PFAS: variants seen among roughly 807,000 people sequenced by gnomAD.
The protein encoded by PFAS is phosphoribosylformylglycinamidine synthase, also known as FGAM synthase.
Under a neutral mutation model 140.6 loss-of-function variants are expected in PFAS, and 97 were observed. That is an observed-to-expected ratio of 0.69 (90% CI 0.59 to 0.82). The LOEUF (loss-of-function observed/expected upper bound fraction) is 0.82, where lower values mean the gene tolerates loss of function less well. PFAS is among the 40% of genes least tolerant of loss of function. The pLI is 0.00. For synonymous variants in PFAS, 679 were observed against 718.8 expected, an observed-to-expected ratio of 0.94 and a Z score of 0.88; for missense variants, 1,656 against 1,780.2, an observed-to-expected ratio of 0.93 and a Z score of 1.26.
At position 8,255,922 on chromosome 17, in the gene PFAS, T is replaced by A; in HGVS notation, c.680+12T>A. On this transcript the variant is annotated intron_variant, in intron 6 of 27. Coordinates refer to ENST00000314666, the MANE Select transcript of PFAS (RefSeq NM_012393.3). ...GCGCAGTCCAATAGGTGAGGAGAAA[T>A]GGGGTTGTTCCCATACCTGAGCCCA... is the stretch of plus-strand genomic sequence containing the variant. The A allele has an allele frequency of 6.3e-7, 1 of 1,584,048 alleles. No individual in the cohort carries two copies. Among genetic ancestry groups the A allele is most frequent in the South Asian group, 1.1e-5 (1 of 90,468 alleles).
At chr17:8,259,125 CAA>C (rs34642794) in intron 11 of PFAS, among the ~76,000 whole-genome samples, 63 of 118,624 alleles carry the variant, frequency 5.3e-4, no homozygotes, top group Admixed American at 7.9e-4. Context: ...GCACCACTGT[CAA>C]AAAAAAAAAA....
chr17:8,250,111 A>G (rs1315257691), intron 1 of PFAS, among the ~76,000 whole-genome samples: 1 of 152,230 alleles, frequency 6.6e-6, no homozygotes, highest in Non-Finnish European at 1.5e-5. Context: ...AATGCCTTCC[A>G]GGACTGAGCT....
In PFAS at chr17:8,264,506, C is replaced by T. The variant is rs1989730926; in HGVS notation, c.1954C>T (p.Pro652Ser). The T allele has an allele frequency of 3.7e-6, 6 of 1,613,766 alleles. No individual in the cohort carries two copies. Among genetic ancestry groups the T allele is most frequent in the Admixed American group, 1.7e-5 (1 of 59,982 alleles). The change falls in exon 17 of 28, where the codon CCT becomes TCT. Residue 652 changes from proline (P) to serine (S), a missense_variant. Physicochemically the swap from Pro to Ser is moderately conservative, Grantham distance 74. Coordinates refer to ENST00000314666, the MANE Select transcript of PFAS (RefSeq NM_012393.3). ...FLQRKPPMLQ[P>S]LALPPGLSVH... is the part of the protein sequence containing the mutation. The stretch of plus-strand genomic sequence containing the variant: ...GCAGAGGAAGCCCCCCATGCTGCAG[C>T]CTCTGGCCTTGCCCCCAGGGCTGAG...
chr17:8,262,250 A>G (rs1989622622), intron 11 of PFAS, among the ~76,000 whole-genome samples: 1 of 152,064 alleles, frequency 6.6e-6, no homozygotes, highest in African/African-American at 2.4e-5. Context: ...TAGACTTACC[A>G]TAGTTTACTT....
At chr17:8,255,719 G>A (rs1989335037) in intron 5 of PFAS, 28 bp downstream of exon 5, 9 of 1,604,450 alleles carry the variant, frequency 5.6e-6, no homozygotes, top group Non-Finnish European at 7.7e-6. Flanking sequence ...GAGATGTAGG[G>A]TCCAGGATAG....
Position 8,263,155 on chromosome 17 carries a change from G to C in PFAS, c.1457G>C (p.Arg486Pro). ...GACCTGGACTTTGGGGCTGTGCAGC[G>C]AGGAGACCCGGAGATGGAACAGAAG... ...TSDLDFGAVQ[R>P]GDPEMEQKMN... Residue 486 changes from arginine (R) to proline (P), a missense_variant, in exon 13 of 28, where the codon CGA becomes CCA. Arg to Pro is a moderately radical substitution (Grantham distance 103). This residue lies in a region of PFAS where 773 missense variants were observed against 757.3 expected (regional missense o/e 1.02). Transcript: ENST00000314666. 1 of 1,613,914 alleles carries C rather than the reference G, an allele frequency of 6.2e-7. No homozygotes were observed. Among genetic ancestry groups the C allele is most frequent in the Non-Finnish European group, 8.5e-7 (1 of 1,179,846 alleles).
At chr17:8,265,505 T>C in intron 19 of PFAS, 37 bp downstream of exon 19, 1 of 1,612,946 alleles carries the variant, frequency 6.2e-7, no homozygotes. Context: ...GAGGAGGAAC[T>C]ATGGAGCTGG....
Position 8,263,141 on chromosome 17 carries a change from T to TG in PFAS, c.1447dup (p.Ala483GlyfsTer34). 6.2e-7 allele frequency: 1 copy of TG among 1,614,086 alleles called. No homozygotes were observed. The highest frequency in any genetic ancestry group is 1.1e-5 in the South Asian group (1 of 91,074). On this transcript the variant is annotated frameshift_variant, in exon 13 of 28. Coordinates refer to ENST00000314666, the MANE Select transcript of PFAS (RefSeq NM_012393.3). LOFTEE classifies it high-confidence loss of function. ...GAGATAACACCAGTGACCTGGACTT[T>TG]GGGGCTGTGCAGCGAGGAGACCCGG...
rs1236127928 is a variant in PFAS, at chr17:8,267,951, T to C, written c.3382+286T>C. Among the ~76,000 whole-genome samples the C allele has an allele frequency of 7.0e-6, 1 of 143,538 alleles. No homozygotes were observed. Among genetic ancestry groups the C allele is most frequent in the Non-Finnish European group, 1.5e-5 (1 of 66,002 alleles). The allele number at this position is 143,538 out of a possible 152,430, so 94.2% of individuals were successfully genotyped here. A position where few individuals can be genotyped will look rare whatever the true frequency, so the allele number is the denominator to read the frequency against. On this transcript the variant is annotated intron_variant, in intron 26 of 27. Coordinates refer to ENST00000314666, the MANE Select transcript of PFAS (RefSeq NM_012393.3). The surrounding 1 kb of genome is among the most constrained non-coding windows in gnomAD (Gnocchi z 4.9). ...ATTAAAATGTATATTATTTATATAT[T>C]ATTAAAATATATATTATTTATATAT...
chr17:8,266,791 C>T lies in PFAS; in HGVS notation c.2860C>T (p.Leu954=), dbSNP rs1989832151. The part of the protein sequence containing the change: ...VLFAEEPGLV[L]EVQEPDLAQV... ...GTTCGCTGAGGAGCCAGGCCTCGTG[C>T]TGGAGGTGCAGGAGCCAGACCTGGC... The change falls in exon 23 of 28, where the codon CTG becomes TTG. Residue 954 remains leucine, a synonymous_variant. Transcript: ENST00000314666. This position sits in a 1 kb window ranked among gnomAD's most constrained non-coding sequence, Gnocchi z 5.0. 6.2e-7 allele frequency: 1 copy of T among 1,612,312 alleles called. No homozygotes were observed. The highest frequency in any genetic ancestry group is 8.5e-7 in the Non-Finnish European group (1 of 1,179,652).
At chr17:8,250,476 G>A (rs78784976) in intron 1 of PFAS, among the ~76,000 whole-genome samples, 2,056 of 152,286 alleles carry the variant, frequency 0.014, 19 homozygotes, top group Middle Eastern at 0.051. Flanking sequence ...GAGAGTCTGA[G>A]GGAAAGAGAA....
intron 3 of PFAS, 115 bp downstream of exon 3, chr17:8,254,416 CAT>C: frequency 6.7e-6 from 8 of 1,197,762 alleles, no homozygotes; most frequent in Non-Finnish European, 9.6e-6. Context: ...GGAAACCACA[CAT>C]GTGCTTTCCC....
At chr17:8,265,775 C>T in intron 20 of PFAS, 87 bp from the exon 21 acceptor site, 2 of 1,368,266 alleles carry the variant, frequency 1.5e-6, no homozygotes, top group East Asian at 4.6e-5. Flanking sequence ...TGTCTCACCA[C>T]ATGCTGGGAA....
In PFAS at chr17:8,267,045, C is replaced by T. The variant is rs777830767; in HGVS notation, c.2985C>T (p.Asn995=). The T allele has an allele frequency of 8.1e-6, 13 of 1,613,786 alleles. No individual in the cohort carries two copies. The highest frequency in any genetic ancestry group is 1.3e-5 in the African/African-American group (1 of 74,890). Reference sequence around the variant, plus strand: ...CTTCCTAGGTCCGGGTGTCAGTGAACGGGGCTGTGGTTCTGGAGGAGCCTG... The same window carrying T: ...CTTCCTAGGTCCGGGTGTCAGTGAATGGGGCTGTGGTTCTGGAGGAGCCTG... ...GPHAMVRVSV[N]GAVVLEEPVG... Residue 995 remains asparagine, a synonymous_variant, in exon 24 of 28, where the codon AAC becomes AAT. Coordinates refer to ENST00000314666, the MANE Select transcript of PFAS (RefSeq NM_012393.3). This position sits in a 1 kb window ranked among gnomAD's most constrained non-coding sequence, Gnocchi z 4.9.
At position 8,267,908 on chromosome 17, in the gene PFAS, A is replaced by G. The variant is rs1989886570; in HGVS notation, c.3382+243A>G. The stretch of plus-strand genomic sequence containing the variant: ...ATATTATTAAATATATATTATTTAT[A>G]TATATTATTTATATATTATTAAAAT... On this transcript the variant is annotated intron_variant, in intron 26 of 27. Transcript: ENST00000314666. The surrounding 1 kb of genome is among the most constrained non-coding windows in gnomAD (Gnocchi z 4.9). Among the ~76,000 whole-genome samples, 1 of 145,352 alleles carries G rather than the reference A, an allele frequency of 6.9e-6. No individual in the cohort carries two copies. The highest frequency in any genetic ancestry group is 2.5e-5 in the African/African-American group (1 of 40,048).
Position 8,257,843 on chromosome 17 carries a change from A to C in PFAS, c.1112A>C (p.Tyr371Ser). ...CCCTGGGAGGATCCAAGCTTCCAGT[A>C]TCCTGGGAATTTTGCCCGGCCCCTG... The part of the protein sequence containing the change: ...NLPWEDPSFQ[Y>S]PGNFARPLEV... The change falls in exon 10 of 28, where the codon TAT (tyrosine) becomes TCT (serine). Residue 371 changes from tyrosine to serine, a missense_variant. By Grantham distance (144) the Tyr-to-Ser change is moderately radical (BLOSUM62 -2). Transcript: ENST00000314666. The C allele has an allele frequency of 6.2e-7, 1 of 1,613,852 alleles. No homozygotes were observed. The highest frequency in any genetic ancestry group is 1.3e-5 in the African/African-American group (1 of 75,028).
At chr17:8,248,011 G>T (rs377386669), upstream of PFAS, 17 of 1,610,774 alleles carry the variant, frequency 1.1e-5, no homozygotes, top group Non-Finnish European at 1.4e-5. Context: ...CACGGAGGAA[G>T]GGACCTGGGC....
rs776048840 is a variant in PFAS at position 8,254,325 on chromosome 17, C to T, written c.278+24C>T. ...AGGTAAGTATCTCATCCTGCCCACCCCTTTCTTCTGCTTTCCTTTGCTTCC... is the reference window on the plus strand; with the variant it reads ...AGGTAAGTATCTCATCCTGCCCACCTCTTTCTTCTGCTTTCCTTTGCTTCC... On this transcript the variant is annotated intron_variant, in intron 3 of 27. Coordinates refer to ENST00000314666, the MANE Select transcript of PFAS (RefSeq NM_012393.3). 3.7e-6 allele frequency: 6 copies of T among 1,612,994 alleles called. No homozygotes were observed. In the South Asian group the frequency reaches 5.5e-5, roughly 15 times the overall value.
At chr17:8,255,933 C>T in intron 6 of PFAS, 23 bp downstream of exon 6, 1 of 1,550,888 alleles carries the variant, frequency 6.4e-7, no homozygotes, top group East Asian at 2.2e-5. Context: ...GGGGTTGTTC[C>T]CATACCTGAG....
Sources: gnomAD v4.1 joint callset for allele counts (sites outside exome capture counted in the v4.1 genomes callset) on GRCh38, gnomAD v4.1.1 for gene constraint, gnomAD v4.1.1 regional missense constraint, Gnocchi (gnomAD v3.1) non-coding constraint, MANE v1.5 for transcripts, NCBI Gene and HGNC (gene_info 2026-07-23, HGNC 2026-07-21) for gene names.